The following ANKRD36C variants were observed in gnomAD, a reference collection of about 807,000 sequenced individuals.
The protein encoded by ANKRD36C is ankyrin repeat domain 36C.
ANKRD36C carries 61 observed loss-of-function variants against 276.4 expected under a neutral mutation model. The ratio of observed to expected loss-of-function variants is 0.22; its 90% CI spans 0.18 to 0.27. ANKRD36C has a LOEUF of 0.27. Ranked by LOEUF, ANKRD36C falls within the 10% of genes least tolerant of loss-of-function variation. ANKRD36C has a pLI of 1.00. For missense variants in ANKRD36C, 1,447 were observed against 2,032.3 expected, an observed-to-expected ratio of 0.71 and a Z score of 5.54; for synonymous variants, 483 against 680.1, an observed-to-expected ratio of 0.71 and a Z score of 4.51.
chr2:95,969,622 C>T (rs1442889828), intron 6 of ANKRD36C, among the ~76,000 whole-genome samples: 3 of 152,168 alleles, frequency 2.0e-5, no homozygotes, highest in Non-Finnish European at 4.4e-5. Context: ...TCATGGTTCA[C>T]GGATCCAAGA....
chr2:95,916,950 C>G (rs895811778), intron 36 of ANKRD36C, among the ~76,000 whole-genome samples: 6 of 151,586 alleles, frequency 4.0e-5, no homozygotes, highest in Admixed American at 1.3e-4. Context: ...TCAGAAATCA[C>G]TGCAATATTC....
At chr2:95,871,293 G>C (rs1481043325) in intron 59 of ANKRD36C, among the ~76,000 whole-genome samples, 7 of 152,118 alleles carry the variant, frequency 4.6e-5, no homozygotes, top group African/African-American at 1.7e-4. Context: ...ACAAAGAGAA[G>C]CCCATCAGAC....
intron 59 of ANKRD36C, among the ~76,000 whole-genome samples, chr2:95,873,367 G>T (rs953617004): frequency 6.6e-6 from 1 of 152,088 alleles, no homozygotes; most frequent in African/African-American, 2.4e-5. Flanking sequence ...TTCAATATAC[G>T]CAAATAAATA....
rs1339072355 is a variant in ANKRD36C, at chr2:95,930,772, G to T, written c.1736-1505C>A. Among the ~76,000 whole-genome samples the T allele has an allele frequency of 3.3e-5, 5 of 150,080 alleles. 1 individual carries two copies. The highest frequency in any genetic ancestry group is 2.0e-4 in the Admixed American group (3 of 15,020). On this transcript the variant is annotated intron_variant, in intron 24 of 66. Coordinates refer to ENST00000456556, the Ensembl canonical transcript of ANKRD36C. ...TAGTTTCACATGATATACCATCGGG[G>T]TCTCTCAGGTTGTTTTACAAAATAA... is the stretch of plus-strand genomic sequence containing the variant.
chr2:95,975,441 T>C lies in ANKRD36C; in HGVS notation c.799+2681A>G, dbSNP rs375274359. On this transcript the variant is annotated intron_variant, in intron 6 of 66. Transcript: ENST00000456556. ...GTACCAAAACAGAGATATAGACCAA[T>C]GGAACAGAACAGAGCCATCAGAAAT... Among the ~76,000 whole-genome samples the C allele has an allele frequency of 9.9e-4, 150 of 152,172 alleles. 3 individuals carry two copies. In the East Asian group the frequency reaches 0.024, roughly 24 times the overall value.
Position 95,867,585 on chromosome 2 carries a change from C to T in ANKRD36C, c.3541-4G>A, listed in dbSNP as rs935950630. ...TAGAATGTATTTGGTTTTTCACCTA[C>T]AAAATAAATAACACTGTTTCAAAAT... On this transcript the variant is annotated splice_polypyrimidine_tract_variant and splice_region_variant and intron_variant, in intron 59 of 66. Coordinates refer to ENST00000456556, the Ensembl canonical transcript of ANKRD36C. The T allele has an allele frequency of 3.0e-6, 4 of 1,315,836 alleles. No individual in the cohort carries two copies. Among genetic ancestry groups the T allele is most frequent in the Non-Finnish European group, 4.1e-6 (4 of 975,808 alleles). The allele number at this position is 1,315,836 out of a possible 1,614,324, so 81.5% of individuals were successfully genotyped here. A position where few individuals can be genotyped will look rare whatever the true frequency, so the allele number is the denominator to read the frequency against.
At chr2:95,861,006 T>C (rs1675565037) in intron 60 of ANKRD36C, among the ~76,000 whole-genome samples, 1 of 152,154 alleles carries the variant, frequency 6.6e-6, no homozygotes. Context: ...ACACAATGAC[T>C]GGAAGAGGGT....
Position 95,925,268 on chromosome 2 carries a change from T to A in ANKRD36C, c.2041+84A>T, listed in dbSNP as rs923184159. On this transcript the variant is annotated intron_variant, in intron 30 of 66. Transcript: ENST00000456556. ...GCTTAATCAGAAAGTGCATTTTCAA[T>A]GACACTCCACTGATCTATTCAGGGG... 2.1e-5 allele frequency: 32 copies of A among 1,530,532 alleles called. 1 individual carries two copies. The East Asian group carries it at 6.4e-4, about 31-fold the overall frequency. The allele number at this position is 1,530,532 out of a possible 1,614,324, so 94.8% of individuals were successfully genotyped here.
chr2:95,957,886 T>C (rs1678367594), intron 12 of ANKRD36C, among the ~76,000 whole-genome samples: 1 of 152,174 alleles, frequency 6.6e-6, no homozygotes, highest in Admixed American at 6.6e-5. Flanking sequence ...TTTGACTAAC[T>C]GATAACAACA....
exon 65 of ANKRD36C, chr2:95,852,128 T>C (rs1423194442): frequency 1.2e-6 from 2 of 1,608,036 alleles, no homozygotes; most frequent in African/African-American, 1.3e-5. Context: ...AATTTTACTT[T>C]TGTGCGTCGC....
chr2:95,893,429 A>C, intron 44 of ANKRD36C, 104 bp downstream of exon 64: 5 of 1,463,136 alleles, frequency 3.4e-6, no homozygotes, highest in Non-Finnish European at 4.6e-6. Context: ...GGCCTGCTGA[A>C]TCAGAAAGTG....
chr2:95,917,787 T>C (rs919456920), intron 36 of ANKRD36C, 68 bp downstream of exon 38: 5 of 1,531,114 alleles, frequency 3.3e-6, no homozygotes, highest in Admixed American at 4.2e-5. Flanking sequence ...TCCGCTGATT[T>C]ATTCAGGGTA....
intron 12 of ANKRD36C, 54 bp from the exon 13 acceptor site, chr2:95,956,870 T>C: frequency 1.5e-5 from 22 of 1,464,524 alleles, no homozygotes; most frequent in Non-Finnish European, 2.0e-5. Context: ...ACCTATAAAA[T>C]ATTAAAAACA....
chr2:95,856,916 A>G (rs1401298306), intron 62 of ANKRD36C, among the ~76,000 whole-genome samples: 4 of 152,178 alleles, frequency 2.6e-5, no homozygotes, highest in African/African-American at 4.8e-5. Context: ...AGACACCAAA[A>G]GTCAAGAAAA....
At chr2:95,902,761 G>T in intron 42 of ANKRD36C, 125 bp downstream of exon 54, 3 of 1,233,428 alleles carry the variant, frequency 2.4e-6, no homozygotes, top group Non-Finnish European at 2.2e-6. Flanking sequence ...TATTTGAAAT[G>T]AAGAATCTCA....
At chr2:95,946,156 G>GAAAAAAAAAAAAAAAAAAAAAAAAA (rs56964568) in intron 17 of ANKRD36C, among the ~76,000 whole-genome samples, 11 of 73,300 alleles carry the variant, frequency 1.5e-4, no homozygotes, top group Non-Finnish European at 2.6e-4. Context: ...ACAGAGAGAG[G>GAAAAAAAAAAAAAAAAAAAAAAAAA]AAAAAAAAAA....
At chr2:95,857,739 T>C (rs1675451295) in intron 61 of ANKRD36C, among the ~76,000 whole-genome samples, 1 of 149,634 alleles carries the variant, frequency 6.7e-6, no homozygotes, top group African/African-American at 2.4e-5. Flanking sequence ...GCCTTGAAAT[T>C]GCCCTGCAAA....
rs577603630 is a variant in ANKRD36C, at chr2:95,878,866, A to G, written c.3469+1561T>C. Among the ~76,000 whole-genome samples, 1,453 of 151,362 alleles carry G rather than the reference A, an allele frequency of 9.6e-3. 9 individuals carry two copies. The highest frequency in any genetic ancestry group is 0.011 in the Non-Finnish European group (743 of 67,470). On this transcript the variant is annotated intron_variant, in intron 58 of 66. Coordinates refer to ENST00000456556, the Ensembl canonical transcript of ANKRD36C. The stretch of plus-strand genomic sequence containing the variant: ...ACCCTCGTACACCATTGGTGGCATT[A>G]TGAATTAGTACAGCCACTATGGAGA...
At chr2:95,882,484 T>G in exon 55 of ANKRD36C, 1 of 1,550,108 alleles carries the variant, frequency 6.5e-7, no homozygotes. Context: ...GGGCCGATTG[T>G]TTCTGAGGAG....
Sources: allele counts gnomAD v4.1 joint callset (sites outside exome capture counted in the v4.1 genomes callset), GRCh38; gene constraint gnomAD v4.1.1; transcripts MANE v1.5; gene names NCBI Gene and HGNC (gene_info 2026-07-23, HGNC 2026-07-21).